Variants in KCNAB1 observed in about 807,000 individuals in gnomAD.
KCNAB1 encodes voltage-gated potassium channel subunit beta-1.
Under a neutral mutation model 64.6 loss-of-function variants are expected in KCNAB1, and 35 were observed. The observed-to-expected ratio is 0.54, with a 90% CI of 0.41 to 0.72. The LOEUF (loss-of-function observed/expected upper bound fraction) is 0.72, where lower values mean the gene tolerates loss of function less well. Ranked by LOEUF, KCNAB1 falls within the 30% of genes least tolerant of loss-of-function variation. The pLI is 0.00. For missense variants in KCNAB1, 401 were observed against 512.9 expected, an observed-to-expected ratio of 0.78 and a Z score of 2.11; for synonymous variants, 177 against 183.8, an observed-to-expected ratio of 0.96 and a Z score of 0.30.
At chr3:156,410,842 C>T (rs141869447) in intron 1 of KCNAB1, among the ~76,000 whole-genome samples, 3 of 152,226 alleles carry the variant, frequency 2.0e-5, no homozygotes, top group African/African-American at 7.2e-5. Flanking sequence ...TCCATTCATC[C>T]GTTGGCAGAT....
At chr3:156,504,992 C>T (rs1355271633) in intron 8 of KCNAB1, among the ~76,000 whole-genome samples, 1 of 151,982 alleles carries the variant, frequency 6.6e-6, no homozygotes, top group Non-Finnish European at 1.5e-5. Flanking sequence ...GACCAATTTC[C>T]TGAAGCATTT....
At chr3:156,252,129 C>G (rs1318904322) in intron 1 of KCNAB1, among the ~76,000 whole-genome samples, 1 of 152,202 alleles carries the variant, frequency 6.6e-6, no homozygotes, top group Non-Finnish European at 1.5e-5. Context: ...AAGCACCTGG[C>G]TCCCCCTGAC....
At chr3:156,171,713 A>G (rs1409591423) in intron 1 of KCNAB1, among the ~76,000 whole-genome samples, 1 of 152,144 alleles carries the variant, frequency 6.6e-6, no homozygotes, top group Admixed American at 6.5e-5. Flanking sequence ...CATTTCCCCT[A>G]CGCCCTCCAG....
At position 156,158,188 on chromosome 3, in the gene KCNAB1, AAATAAAT is replaced by A. The variant is rs1472589987; in HGVS notation, c.275+37305_275+37311del. On this transcript the variant is annotated intron_variant, in intron 1 of 13. Coordinates refer to ENST00000490337, the MANE Select transcript of KCNAB1 (RefSeq NM_172160.3). ...TCAAAAAAAAAAATAAAAAATAAAT[AAATAAAT>A]AAATAAATAAATAAATAAATAAATA... is the stretch of plus-strand genomic sequence containing the variant. Among the ~76,000 whole-genome samples the A allele has an allele frequency of 1.1e-4, 12 of 108,738 alleles. 1 individual carries two copies. Among genetic ancestry groups the A allele is most frequent in the East Asian group, 3.0e-4 (1 of 3,308 alleles). The allele number at this position is 108,738 out of a possible 152,430, so 71.3% of individuals were successfully genotyped here. A position where few individuals can be genotyped will look rare whatever the true frequency, so the allele number is the denominator to read the frequency against.
chr3:156,215,850 GGA>G (rs997953981), intron 1 of KCNAB1: 21 of 152,228 alleles, frequency 1.4e-4, no homozygotes, highest in African/African-American at 5.1e-4. Flanking sequence ...GATTTTTCGA[GGA>G]GAGAGATGAC....
intron 8 of KCNAB1, among the ~76,000 whole-genome samples, chr3:156,497,220 G>T (rs1476862920): frequency 6.6e-6 from 1 of 152,178 alleles, no homozygotes; most frequent in Non-Finnish European, 1.5e-5. Context: ...GAGCTGAGCT[G>T]CATGAGTTAA....
intron 8 of KCNAB1, among the ~76,000 whole-genome samples, chr3:156,489,453 C>A (rs115331331): frequency 9.4e-4 from 143 of 152,184 alleles, no homozygotes; most frequent in African/African-American, 3.1e-3. Flanking sequence ...AAGATGAAGA[C>A]TGAACATTGT....
At chr3:156,232,219 A>G (rs141959756) in intron 1 of KCNAB1, among the ~76,000 whole-genome samples, 55 of 152,328 alleles carry the variant, frequency 3.6e-4, no homozygotes, top group African/African-American at 1.0e-3. Flanking sequence ...CCCTCCCTTC[A>G]TACAAACTCT....
At chr3:156,459,704 G>T in intron 4 of KCNAB1, 123 bp from the exon 5 acceptor site, 1 of 655,662 alleles carries the variant, frequency 1.5e-6, no homozygotes, top group South Asian at 2.4e-5. Context: ...AGCCGAGAGC[G>T]GCTTCTATTT....
Position 156,196,941 on chromosome 3 carries a change from T to C in KCNAB1, c.275+76055T>C, listed in dbSNP as rs1357571465. Reference sequence around the variant, plus strand: ...CAGTATGATACTGGCTGTGTGTTTGTCGTAAATAGCTCTTATTATTTTGAG... The same window carrying C: ...CAGTATGATACTGGCTGTGTGTTTGCCGTAAATAGCTCTTATTATTTTGAG... On this transcript the variant is annotated intron_variant, in intron 1 of 13. Coordinates refer to ENST00000490337, the MANE Select transcript of KCNAB1 (RefSeq NM_172160.3). Among the ~76,000 whole-genome samples the C allele has an allele frequency of 6.6e-5, 10 of 152,218 alleles. No homozygotes were observed. In the East Asian group the frequency reaches 1.7e-3, roughly 26 times the overall value.
chr3:156,471,618 C>G (rs944920490), intron 7 of KCNAB1, among the ~76,000 whole-genome samples: 2 of 152,234 alleles, frequency 1.3e-5, no homozygotes, highest in Admixed American at 6.5e-5. Flanking sequence ...AGCTGCCCTT[C>G]TGGAGCCAAG....
At chr3:156,504,648 G>C (rs911724928) in intron 8 of KCNAB1, among the ~76,000 whole-genome samples, 7 of 151,746 alleles carry the variant, frequency 4.6e-5, no homozygotes, top group Non-Finnish European at 1.0e-4. Flanking sequence ...TTTAGAGACA[G>C]GGGCTTCCTG....
intron 1 of KCNAB1, among the ~76,000 whole-genome samples, chr3:156,410,839 A>G (rs1482006856): frequency 6.6e-6 from 1 of 152,196 alleles, no homozygotes; most frequent in Non-Finnish European, 1.5e-5. Context: ...TAATCCATTC[A>G]TCCGTTGGCA....
intron 12 of KCNAB1, among the ~76,000 whole-genome samples, chr3:156,525,579 G>A (rs11710604): frequency 0.29 from 44,718 of 152,098 alleles, 6,836 homozygotes; most frequent in African/African-American, 0.34. Context: ...GCAGTGGCGC[G>A]ATCTCGGCTC....
chr3:156,470,416 G>A (rs995599267), intron 7 of KCNAB1, among the ~76,000 whole-genome samples: 5 of 152,242 alleles, frequency 3.3e-5, no homozygotes, highest in African/African-American at 9.6e-5. Flanking sequence ...AACGATTTGG[G>A]AGGCTGAGGT....
chr3:156,256,552 A>G (rs1718111246), intron 1 of KCNAB1, among the ~76,000 whole-genome samples: 1 of 152,218 alleles, frequency 6.6e-6, no homozygotes, highest in Non-Finnish European at 1.5e-5. Flanking sequence ...GTGGATGCTC[A>G]CTGTCTCCTC....
chr3:156,156,764 C>T (rs1715751069), intron 1 of KCNAB1, among the ~76,000 whole-genome samples: 1 of 152,044 alleles, frequency 6.6e-6, no homozygotes. Context: ...AGAACAGTGT[C>T]AAGTTGATAA....
At chr3:156,326,075 C>T (rs1158639458) in intron 1 of KCNAB1, among the ~76,000 whole-genome samples, 1 of 152,132 alleles carries the variant, frequency 6.6e-6, no homozygotes, top group Non-Finnish European at 1.5e-5. Context: ...GTTAGTTCAT[C>T]ATGCCTTGGG....
At chr3:156,166,874 C>T (rs147396201) in intron 1 of KCNAB1, among the ~76,000 whole-genome samples, 66 of 152,210 alleles carry the variant, frequency 4.3e-4, no homozygotes, top group Non-Finnish European at 6.9e-4. Flanking sequence ...TAACGTTCTG[C>T]GAAGGCTTTT....
Sources: gnomAD v4.1 joint callset for allele counts (sites outside exome capture counted in the v4.1 genomes callset) on GRCh38, gnomAD v4.1.1 for gene constraint, MANE v1.5 for transcripts, NCBI Gene and HGNC (gene_info 2026-07-23, HGNC 2026-07-21) for gene names.